PRR14L: variants seen among roughly 807,000 people sequenced by gnomAD.
PRR14L encodes the protein protein PRR14L.
In PRR14L, 80 loss-of-function variants were observed where a neutral mutation model predicts 155.0. The observed-to-expected ratio is 0.52, with a 90% confidence interval of 0.43 to 0.62. The LOEUF (loss-of-function observed/expected upper bound fraction) is 0.62. Ranked by LOEUF, PRR14L falls within the 20% of genes least tolerant of loss-of-function variation. The pLI, the probability that PRR14L is intolerant of heterozygous loss-of-function variation, is 0.00. For synonymous variants in PRR14L, 883 were observed against 916.0 expected (o/e 0.96, Z 0.65); for missense variants, 2,469 against 2,548.0 (o/e 0.97, Z 0.67).
intron 2 of PRR14L, among the ~76,000 whole-genome samples, chr22:31,730,605 G>C (rs1242307825): frequency 6.6e-6 from 1 of 152,176 alleles, no homozygotes; most frequent in South Asian, 2.1e-4. Flanking sequence ...GATTCTGCCA[G>C]GTTTCTCCAT....
Position 31,717,293 on chromosome 22 carries a change from T to C in PRR14L, c.548-2A>G. 1.2e-5 allele frequency: 18 copies of C among 1,525,772 alleles called. No individual in the cohort carries two copies. The highest frequency in any genetic ancestry group is 1.5e-5 in the Non-Finnish European group (17 of 1,135,304). The allele number at this position is 1,525,772 out of a possible 1,614,324, so 94.5% of individuals were successfully genotyped here. A position where few individuals can be genotyped will look rare whatever the true frequency, so the allele number is the denominator to read the frequency against. On this transcript the variant is annotated splice_acceptor_variant, in intron 3 of 8. Transcript: ENST00000327423. LOFTEE classifies it high-confidence loss of function. The stretch of plus-strand genomic sequence containing the variant: ...CAGCTGTAATCTGTACATTTCCTTC[T>C]GAATAAGAGAAATAAATCCAAATTA...
At position 31,698,861 on chromosome 22, in the gene PRR14L, G is replaced by A. The variant is rs2074548878; in HGVS notation, c.6107+2795C>T. Among the ~76,000 whole-genome samples, 3 of 151,158 alleles carry A rather than the reference G, an allele frequency of 2.0e-5. No individual in the cohort carries two copies. In the South Asian group the frequency reaches 6.3e-4, roughly 32 times the overall value. On this transcript the variant is annotated intron_variant, in intron 7 of 8. Coordinates refer to ENST00000327423, the MANE Select transcript of PRR14L (RefSeq NM_173566.3). The stretch of plus-strand genomic sequence containing the variant: ...GGCGTGAACCTGGGAGGCGGAGCTT[G>A]CAGTGAGCCGAGATCGTGCCACTGC...
intron 7 of PRR14L, among the ~76,000 whole-genome samples, chr22:31,696,143 ATAATT>A (rs145228860): frequency 0.033 from 4,862 of 145,996 alleles, 104 homozygotes; most frequent in South Asian, 0.065. Flanking sequence ...CTTTATTATT[ATAATT>A]TTTTTTTTTT....
intron 1 of PRR14L, 82 bp from the exon 2 acceptor site, chr22:31,738,993 A>G: frequency 1.6e-6 from 1 of 608,862 alleles, no homozygotes; most frequent in Non-Finnish European, 2.8e-6. Context: ...ACCGGCTACA[A>G]CGAAGAAAAT....
chr22:31,725,980 A>T (rs1020107492), intron 2 of PRR14L, among the ~76,000 whole-genome samples: 1 of 151,832 alleles, frequency 6.6e-6, no homozygotes, highest in African/African-American at 2.4e-5. Context: ...AATATTAGTT[A>T]TTTTTGAGAG....
intron 2 of PRR14L, among the ~76,000 whole-genome samples, chr22:31,734,009 T>C (rs930870845): frequency 1.3e-5 from 2 of 152,138 alleles, no homozygotes; most frequent in South Asian, 2.1e-4. Flanking sequence ...AGTCTCACTC[T>C]GTCGCCAGGC....
chr22:31,741,078 C>CCTGTCT (rs2147877349), intron 1 of PRR14L, among the ~76,000 whole-genome samples: 1 of 151,752 alleles, frequency 6.6e-6, no homozygotes, highest in African/African-American at 2.4e-5. Flanking sequence ...ACGGTGAAAC[C>CCTGTCT]CTATCTCTAC....
chr22:31,718,188 A>G (rs2147866266), intron 3 of PRR14L, among the ~76,000 whole-genome samples: 1 of 151,702 alleles, frequency 6.6e-6, no homozygotes, highest in Admixed American at 6.6e-5. Context: ...TCGGCCTCCC[A>G]AAGTGCTGAG....
chr22:31,743,238 G>A (rs1223448924), intron 1 of PRR14L, among the ~76,000 whole-genome samples: 1 of 151,982 alleles, frequency 6.6e-6, no homozygotes. Context: ...GGAGGCAGAG[G>A]GTGCAGTGAG....
intron 2 of PRR14L, among the ~76,000 whole-genome samples, chr22:31,729,570 T>C (rs2074736723): frequency 6.6e-6 from 1 of 152,212 alleles, no homozygotes; most frequent in African/African-American, 2.4e-5. Context: ...GAAATTATTA[T>C]TATTTTACTG....
At chr22:31,686,038 G>A (rs1450882036) in intron 8 of PRR14L, among the ~76,000 whole-genome samples, 1 of 151,942 alleles carries the variant, frequency 6.6e-6, no homozygotes, top group African/African-American at 2.4e-5. Context: ...GGGTTCAAGC[G>A]ATTCTCCTGC....
Position 31,713,443 on chromosome 22 carries a change from C to T in PRR14L, c.4396G>A (p.Asp1466Asn), listed in dbSNP as rs1294005358. ...TGATGTAACCTTTCCTCCTTCTGGT[C>T]TTCTAACTTCTGAGTCTGTGCCACA... ...SIVAQTQKLE[D>N]QKEERLHHPL... Residue 1466 changes from aspartate to asparagine, a missense_variant, in exon 4 of 9, where the codon GAC (aspartate) becomes AAC (asparagine). This residue lies in a region of PRR14L where 2,363 missense variants were observed against 2,371.6 expected (regional missense o/e 1.00). Transcript: ENST00000327423. 4.5e-6 allele frequency: 7 copies of T among 1,551,850 alleles called. No homozygotes were observed. In the South Asian group the frequency reaches 4.8e-5, roughly 11 times the overall value.
At chr22:31,697,195 G>A (rs5998095) in intron 7 of PRR14L, among the ~76,000 whole-genome samples, 14,829 of 151,644 alleles carry the variant, frequency 0.098, 858 homozygotes, top group African/African-American at 0.16. Flanking sequence ...CCAGCTACTC[G>A]GGAGGCTGAG....
chr22:31,715,108 A>C lies in PRR14L; in HGVS notation c.2731T>G (p.Ser911Ala), dbSNP rs1410412922. Residue 911 changes from serine to alanine, a missense_variant, in exon 4 of 9, where the codon TCC becomes GCC. Ser to Ala is a moderately conservative substitution (Grantham distance 99). Coordinates refer to ENST00000327423, the MANE Select transcript of PRR14L (RefSeq NM_173566.3). ...EGLEGKEQDV[S>A]KETVFCKYNI... ...TACTTACAAAATACAGTTTCTTTGG[A>C]TACATCCTGCTCCTTTCCTTCCAGC... 5 of 1,551,790 alleles carry C rather than the reference A, an allele frequency of 3.2e-6. No individual in the cohort carries two copies. The highest frequency in any genetic ancestry group is 2.4e-5 in the East Asian group (1 of 40,930).
chr22:31,708,095 G>C (rs1387512989), intron 4 of PRR14L, among the ~76,000 whole-genome samples: 1 of 151,894 alleles, frequency 6.6e-6, no homozygotes, highest in Admixed American at 6.6e-5. Context: ...GTTGCGGTGA[G>C]CTGAGATTGC....
At chr22:31,735,228 A>G (rs1031969572) in intron 2 of PRR14L, among the ~76,000 whole-genome samples, 1 of 152,102 alleles carries the variant, frequency 6.6e-6, no homozygotes, top group Admixed American at 6.5e-5. Flanking sequence ...TCACGAAGTC[A>G]GGAGATCGAG....
intron 4 of PRR14L, among the ~76,000 whole-genome samples, chr22:31,707,723 T>G (rs1050575869): frequency 6.6e-6 from 1 of 152,014 alleles, no homozygotes. Flanking sequence ...CCTAAACACA[T>G]AGCAGAGCAA....
At chr22:31,747,808 C>CA (rs560956513) in intron 1 of PRR14L, among the ~76,000 whole-genome samples, 18,597 of 111,834 alleles carry the variant, frequency 0.17, 1,436 homozygotes, top group Non-Finnish European at 0.21. Context: ...CCTATCCCAC[C>CA]AAAAAAAAAA....
chr22:31,743,956 C>T (rs184804429), intron 1 of PRR14L, among the ~76,000 whole-genome samples: 204 of 151,166 alleles, frequency 1.3e-3, no homozygotes, highest in Non-Finnish European at 1.8e-3. Context: ...TCTTTCTACA[C>T]GCAAACAGCT....
Sources: allele counts gnomAD v4.1 joint callset (sites outside exome capture counted in the v4.1 genomes callset), GRCh38; gene constraint gnomAD v4.1.1; regional missense constraint gnomAD v4.1.1; transcripts MANE v1.5; gene names NCBI Gene and HGNC (gene_info 2026-07-23, HGNC 2026-07-21).